The following XRCC4 variants were observed in gnomAD, a reference collection of about 807,000 sequenced individuals.
The protein encoded by XRCC4 is X-ray repair cross complementing 4.
In XRCC4, 28 loss-of-function variants were observed where a neutral mutation model predicts 39.1. The ratio of observed to expected loss-of-function variants is 0.72; its 90% CI spans 0.53 to 0.98. The LOEUF (loss-of-function observed/expected upper bound fraction) is 0.98. Ranked by LOEUF, XRCC4 falls within the 50% of genes least tolerant of loss-of-function variation. XRCC4 has a pLI of 0.00. For missense variants in XRCC4, 350 were observed against 376.4 expected (o/e 0.93, Z 0.58); for synonymous variants, 123 against 126.4 (o/e 0.97, Z 0.18).
intron 3 of XRCC4, among the ~76,000 whole-genome samples, chr5:83,184,606 A>C (rs1226885707): frequency 6.6e-6 from 1 of 152,150 alleles, no homozygotes; most frequent in Admixed American, 6.6e-5. Flanking sequence ...AATATTTTAC[A>C]CTACGTTCTA....
chr5:83,166,469 T>G (rs1431574040), intron 3 of XRCC4, among the ~76,000 whole-genome samples: 2 of 151,606 alleles, frequency 1.3e-5, no homozygotes, highest in African/African-American at 4.8e-5. Flanking sequence ...TGTTTTTTTT[T>G]TTTTCTTTTT....
chr5:83,243,870 A>C (rs1753004264), intron 6 of XRCC4, among the ~76,000 whole-genome samples: 1 of 152,150 alleles, frequency 6.6e-6, no homozygotes, highest in Non-Finnish European at 1.5e-5. Flanking sequence ...CCTACCCGGC[A>C]TTCCTAATTA....
chr5:83,214,786 G>A (rs1370833441), intron 6 of XRCC4, among the ~76,000 whole-genome samples: 5 of 149,786 alleles, frequency 3.3e-5, no homozygotes, highest in South Asian at 2.1e-4. Flanking sequence ...GCAATGAGCC[G>A]AGATCGCGCC....
intron 3 of XRCC4, among the ~76,000 whole-genome samples, chr5:83,131,131 A>G (rs1000545863): frequency 1.3e-5 from 2 of 152,260 alleles, no homozygotes; most frequent in South Asian, 2.1e-4. Flanking sequence ...CCCTCTACAC[A>G]TTACTTTAAA....
chr5:83,210,927 A>G (rs943656893), intron 6 of XRCC4, among the ~76,000 whole-genome samples: 1 of 152,216 alleles, frequency 6.6e-6, no homozygotes, highest in African/African-American at 2.4e-5. Context: ...GTACTAAAAT[A>G]TAACTTTGAT....
intron 3 of XRCC4, among the ~76,000 whole-genome samples, chr5:83,191,141 G>A (rs1435187867): frequency 6.6e-6 from 1 of 152,158 alleles, no homozygotes; most frequent in East Asian, 1.9e-4. Context: ...TAAAGGGAAA[G>A]ACTACATTTC....
intron 7 of XRCC4, among the ~76,000 whole-genome samples, chr5:83,348,644 T>C (rs1025002678): frequency 1.3e-5 from 2 of 152,258 alleles, no homozygotes; most frequent in Non-Finnish European, 2.9e-5. Context: ...TGAAGATCTC[T>C]GAAATGCCTT....
intron 5 of XRCC4, among the ~76,000 whole-genome samples, chr5:83,204,220 T>C (rs960226467): frequency 1.3e-5 from 2 of 152,162 alleles, no homozygotes; most frequent in Non-Finnish European, 2.9e-5. Flanking sequence ...AAATGGCTGA[T>C]ACGGCTTTCG....
At chr5:83,317,899 CA>C (rs1278580754) in intron 7 of XRCC4, among the ~76,000 whole-genome samples, 7 of 60,754 alleles carry the variant, frequency 1.2e-4, no homozygotes, top group African/African-American at 8.1e-4. Context: ...GAGACACAAC[CA>C]AAAAAGAGAA....
At chr5:83,354,670 T>A (rs891494934), downstream of XRCC4, among the ~76,000 whole-genome samples, 5 of 152,162 alleles carry the variant, frequency 3.3e-5, no homozygotes, top group Admixed American at 3.3e-4. Context: ...AATTTGATTA[T>A]CCTTACCATC....
Position 83,203,650 on chromosome 5 carries a change from T to C in XRCC4, c.581T>C (p.Leu194Ser). The C allele has an allele frequency of 6.2e-7, 1 of 1,611,462 alleles. No homozygotes were observed. Among genetic ancestry groups the C allele is most frequent in the Non-Finnish European group, 8.5e-7 (1 of 1,178,952 alleles). The change falls in exon 5 of 8, where the codon TTG becomes TCG. Residue 194 changes from leucine (L) to serine (S), a missense_variant. Coordinates refer to ENST00000396027, the MANE Select transcript of XRCC4 (RefSeq NM_003401.5). ...GAGAAGAAAACAAAAATCAGAAGTT[T>C]GCATAATAAATTATTAAATGCAGCT... The part of the protein sequence containing the change: ...LNEKKTKIRS[L>S]HNKLLNAAQE...
At chr5:83,167,230 C>CT (rs10714065) in intron 3 of XRCC4, among the ~76,000 whole-genome samples, 13 of 148,378 alleles carry the variant, frequency 8.8e-5, no homozygotes, top group South Asian at 2.1e-4. Flanking sequence ...TGATGTTGAG[C>CT]TTTTTTTTTT....
Position 83,111,177 on chromosome 5 carries a change from T to C in XRCC4, c.289T>C (p.Phe97Leu), listed in dbSNP as rs1236326383. 2 of 1,590,398 alleles carry C rather than the reference T, an allele frequency of 1.3e-6. No individual in the cohort carries two copies. The highest frequency in any genetic ancestry group is 1.2e-5 in the South Asian group (1 of 85,602). ...TTCTAAAGAGTCTTGTTATTTCTTC[T>C]TTGAGAAAAACCTGAAAGATGTCTC... ...NFSKESCYFF[F>L]EKNLKDVSFR... The change falls in exon 3 of 8, where the codon TTT becomes CTT. Residue 97 changes from phenylalanine (F) to leucine (L), a missense_variant. Physicochemically the swap from Phe to Leu is conservative, Grantham distance 22. Coordinates refer to ENST00000396027, the MANE Select transcript of XRCC4 (RefSeq NM_003401.5).
At chr5:83,121,089 C>T (rs555657389) in intron 3 of XRCC4, among the ~76,000 whole-genome samples, 14 of 152,100 alleles carry the variant, frequency 9.2e-5, no homozygotes, top group Non-Finnish European at 1.9e-4. Flanking sequence ...AATTGTTTTG[C>T]GATTCCTCCA....
At chr5:83,133,075 ATGTCCTTCCTGTT>A (rs981773409) in intron 3 of XRCC4, among the ~76,000 whole-genome samples, 1 of 151,948 alleles carries the variant, frequency 6.6e-6, no homozygotes, top group Non-Finnish European at 1.5e-5. Context: ...TTTGGTGTGG[ATGTCCTTCCTGTT>A]TGTTATTTCC....
rs1270029299 is a variant in XRCC4, at chr5:83,255,052, G to A, written c.746-3478G>A. Reference sequence around the variant, plus strand: ...CAGTGAGCCGAGATCACGCCATTGCGCTCCAGCCTGGGCAACAAGAGCAAA... The same window carrying A: ...CAGTGAGCCGAGATCACGCCATTGCACTCCAGCCTGGGCAACAAGAGCAAA... On this transcript the variant is annotated intron_variant, in intron 6 of 7. Transcript: ENST00000396027. Among the ~76,000 whole-genome samples, 8 of 149,064 alleles carry A rather than the reference G, an allele frequency of 5.4e-5. No homozygotes were observed. The South Asian group carries it at 1.3e-3, about 24-fold the overall frequency.
At chr5:83,338,554 C>T (rs551527882) in intron 7 of XRCC4, among the ~76,000 whole-genome samples, 1 of 152,250 alleles carries the variant, frequency 6.6e-6, no homozygotes, top group Admixed American at 6.5e-5. Flanking sequence ...AAGCTTCCTC[C>T]ACTATGAAGT....
intron 3 of XRCC4, among the ~76,000 whole-genome samples, chr5:83,120,265 A>G (rs1392897129): frequency 6.6e-6 from 1 of 152,240 alleles, no homozygotes; most frequent in Non-Finnish European, 1.5e-5. Flanking sequence ...AAGCTAAGCT[A>G]GGATAGAATT....
At chr5:83,142,678 GT>G (rs28360074) in intron 3 of XRCC4, among the ~76,000 whole-genome samples, 2 of 151,562 alleles carry the variant, frequency 1.3e-5, no homozygotes, top group African/African-American at 2.4e-5. Context: ...TGAGTCTCCT[GT>G]TTTTTTTGTT....
Sources: gnomAD v4.1 joint callset for allele counts (sites outside exome capture counted in the v4.1 genomes callset) on GRCh38, gnomAD v4.1.1 for gene constraint, MANE v1.5 for transcripts, NCBI Gene and HGNC (gene_info 2026-07-23, HGNC 2026-07-21) for gene names.